The following ORC4 variants were observed in gnomAD, a reference collection of about 807,000 sequenced individuals.
ORC4 encodes the protein origin recognition complex subunit 4.
ORC4 carries 55 observed loss-of-function variants against 63.9 expected under a neutral mutation model. The ratio of observed to expected loss-of-function variants is 0.86; its 90% CI spans 0.69 to 1.08. ORC4 has a LOEUF of 1.08. Among genes scored for constraint, ORC4 ranks in the 50% least tolerant of loss-of-function variants. The pLI is 0.00. For synonymous variants in ORC4, 150 were observed against 168.5 expected (o/e 0.89, Z 0.85); for missense variants, 511 against 504.4 (o/e 1.01, Z -0.13).
intron 4 of ORC4, among the ~76,000 whole-genome samples, chr2:147,961,820 C>A (rs73964129): frequency 1.3e-5 from 2 of 152,250 alleles, no homozygotes; most frequent in African/African-American, 2.4e-5. Flanking sequence ...TGATTTAATG[C>A]TTTTGCCTTT....
chr2:147,983,165 C>G (rs1277479650), intron 1 of ORC4, among the ~76,000 whole-genome samples: 1 of 152,182 alleles, frequency 6.6e-6, no homozygotes, highest in African/African-American at 2.4e-5. Flanking sequence ...ACAGCAGTTT[C>G]TTAGAAAACT....
chr2:147,948,670 C>CTT (rs371088010), intron 8 of ORC4, among the ~76,000 whole-genome samples: 5 of 140,922 alleles, frequency 3.5e-5, no homozygotes, highest in Non-Finnish European at 7.8e-5. Flanking sequence ...TATCTTCCGG[C>CTT]TTTTTTTTTT....
intron 1 of ORC4, among the ~76,000 whole-genome samples, chr2:147,987,430 A>T (rs1269038267): frequency 6.7e-6 from 1 of 149,800 alleles, no homozygotes. Context: ...ACATATTTTA[A>T]ATTATTTTTT....
At chr2:147,989,688 A>G (rs570638920) in intron 1 of ORC4, among the ~76,000 whole-genome samples, 1 of 152,068 alleles carries the variant, frequency 6.6e-6, no homozygotes, top group South Asian at 2.1e-4. Context: ...CACCAGGGCA[A>G]TAGGGCGAGA....
chr2:147,936,116 T>C (rs1032499748), intron 13 of ORC4, among the ~76,000 whole-genome samples: 3 of 152,294 alleles, frequency 2.0e-5, no homozygotes, highest in Admixed American at 6.5e-5. Flanking sequence ...TCTGTCTCTA[T>C]TTTTGCTTTG....
chr2:147,965,348 TA>T lies in ORC4; in HGVS notation c.226-6483del, dbSNP rs1161763926. Reference sequence around the variant, plus strand: ...TCCCATTTAAAAAATACAGAACAGATAAAAAAAAAAACTCAATTATATGCTG... The same window carrying T: ...TCCCATTTAAAAAATACAGAACAGATAAAAAAAAAACTCAATTATATGCTG... On this transcript the variant is annotated intron_variant, in intron 4 of 13. Coordinates refer to ENST00000392857, the MANE Select transcript of ORC4 (RefSeq NM_181741.4). Among the ~76,000 whole-genome samples the T allele has an allele frequency of 5.5e-4, 77 of 139,682 alleles. 3 individuals are homozygous for T. The highest frequency in any genetic ancestry group is 2.1e-3 in the Admixed American group (29 of 14,116). 91.6% of individuals were successfully genotyped at this position (139,682 alleles called of 152,430 possible).
At chr2:147,980,504 C>A (rs927094416) in intron 1 of ORC4, among the ~76,000 whole-genome samples, 10 of 151,546 alleles carry the variant, frequency 6.6e-5, no homozygotes, top group Admixed American at 3.9e-4. Flanking sequence ...ACAAAAACAA[C>A]AACAAAAAAA....
chr2:147,953,438 T>C (rs1455715105), intron 7 of ORC4, among the ~76,000 whole-genome samples: 1 of 152,218 alleles, frequency 6.6e-6, no homozygotes, highest in Non-Finnish European at 1.5e-5. Flanking sequence ...TTAATGATTA[T>C]AAAATTGACA....
At chr2:147,981,447 T>C (rs1055864125) in intron 1 of ORC4, among the ~76,000 whole-genome samples, 1 of 152,162 alleles carries the variant, frequency 6.6e-6, no homozygotes, top group Non-Finnish European at 1.5e-5. Context: ...ATTTAATATT[T>C]TGGAACTTCA....
chr2:147,954,381 C>G (rs1689132417), intron 7 of ORC4, among the ~76,000 whole-genome samples: 1 of 152,120 alleles, frequency 6.6e-6, no homozygotes, highest in Non-Finnish European at 1.5e-5. Context: ...TTACCCAAGC[C>G]TAGATGGTAT....
At chr2:147,996,129 C>A (rs948834009) in intron 1 of ORC4, among the ~76,000 whole-genome samples, 1 of 151,986 alleles carries the variant, frequency 6.6e-6, no homozygotes, top group East Asian at 1.9e-4. Context: ...TGTGGTGAAA[C>A]CCCGTCTCTA....
intron 6 of ORC4, among the ~76,000 whole-genome samples, chr2:147,957,359 C>G (rs1246569747): frequency 6.6e-6 from 1 of 151,386 alleles, no homozygotes; most frequent in Admixed American, 6.6e-5. Context: ...CATTGCAGCA[C>G]AAAGCACACA....
chr2:148,015,347 CT>C (rs1693215249), intron 1 of ORC4, among the ~76,000 whole-genome samples: 1 of 116,742 alleles, frequency 8.6e-6, no homozygotes, highest in Non-Finnish European at 1.6e-5. Context: ...TGGAGTCTCT[CT>C]CTGTTGCCCA....
At chr2:147,975,873 T>A (rs773369810) in intron 2 of ORC4, 29 bp downstream of exon 2, 1 of 1,295,608 alleles carries the variant, frequency 7.7e-7, no homozygotes, top group East Asian at 2.3e-5. Flanking sequence ...GGGTAAAATA[T>A]CTTGAGATTA....
chr2:147,989,655 C>T (rs990469906), intron 1 of ORC4, among the ~76,000 whole-genome samples: 1 of 152,048 alleles, frequency 6.6e-6, no homozygotes, highest in Non-Finnish European at 1.5e-5. Context: ...TGCAGTGAGC[C>T]AAGATCGCCA....
intron 1 of ORC4, among the ~76,000 whole-genome samples, chr2:148,015,404 T>G (rs1693219321): frequency 7.0e-6 from 1 of 142,020 alleles, no homozygotes; most frequent in Non-Finnish European, 1.5e-5. Flanking sequence ...AAGCTCTGCC[T>G]CCAGGGTTCA....
At chr2:148,011,359 T>C (rs954556121) in intron 1 of ORC4, among the ~76,000 whole-genome samples, 1 of 152,206 alleles carries the variant, frequency 6.6e-6, no homozygotes, top group Non-Finnish European at 1.5e-5. Flanking sequence ...ATCAACAGAA[T>C]GAAGGACACA....
At chr2:147,939,424 A>C (rs988688530) in intron 10 of ORC4, among the ~76,000 whole-genome samples, 176 bp from the exon 11 acceptor site, 4 of 152,184 alleles carry the variant, frequency 2.6e-5, no homozygotes, top group Non-Finnish European at 4.4e-5. Flanking sequence ...TGTGTGTCAC[A>C]TAACTGCAGA....
rs1415303366 is a variant in ORC4 at position 147,952,414 on chromosome 2, C to T, written c.547G>A (p.Ala183Thr). The change falls in exon 8 of 14, where the codon GCA becomes ACA. Residue 183 changes from alanine (A) to threonine (T), a missense_variant. Physicochemically the swap from Ala to Thr is moderately conservative, Grantham distance 58. Transcript: ENST00000392857. ...CCAATAACTGCTATTGGGGTCTGTG[C>T]AGACTGAGAAATGTCAAAAAGATTA... ...LYNLFDISQS[A>T]QTPIAVIGLT... 1.9e-6 allele frequency: 3 copies of T among 1,610,164 alleles called. No homozygotes were observed. Among genetic ancestry groups the T allele is most frequent in the Non-Finnish European group, 2.5e-6 (3 of 1,176,608 alleles).
Sources: allele counts gnomAD v4.1 joint callset (sites outside exome capture counted in the v4.1 genomes callset), GRCh38; gene constraint gnomAD v4.1.1; transcripts MANE v1.5; gene names NCBI Gene and HGNC (gene_info 2026-07-23, HGNC 2026-07-21).